Variants in OTUD6B observed in about 807,000 individuals in gnomAD.
The protein encoded by OTUD6B is OTU deubiquitinase 6B, also known as deubiquitinase OTUD6B.
A neutral mutation model predicts 36.9 loss-of-function variants in OTUD6B; 41 were observed. That is an observed-to-expected ratio of 1.11 (90% confidence interval 0.87 to 1.44). OTUD6B has a LOEUF of 1.44. OTUD6B is among the 40% of genes most tolerant of loss of function. OTUD6B has a pLI of 0.00. For synonymous variants in OTUD6B, 114 were observed against 114.2 expected (o/e 1.00, Z 0.01); for missense variants, 356 against 344.8 (o/e 1.03, Z -0.26).
intron 3 of OTUD6B, among the ~76,000 whole-genome samples, chr8:91,075,817 G>A (rs912198232): frequency 6.6e-6 from 1 of 152,074 alleles, no homozygotes; most frequent in Admixed American, 6.6e-5. Flanking sequence ...ACCAAGGAAT[G>A]CAAAGTCATT....
chr8:91,084,483 A>AT (rs1812969244), intron 6 of OTUD6B, among the ~76,000 whole-genome samples: 1 of 152,086 alleles, frequency 6.6e-6, no homozygotes, highest in African/African-American at 2.4e-5. Flanking sequence ...TGGCTTTAGT[A>AT]TTTTTTAGCT....
At chr8:91,081,222 T>C (rs1812901404) in intron 5 of OTUD6B, among the ~76,000 whole-genome samples, 1 of 151,718 alleles carries the variant, frequency 6.6e-6, no homozygotes, top group South Asian at 2.1e-4. Context: ...GAATTCCTAA[T>C]TGATAGTGAC....
At chr8:91,074,021 G>A in intron 3 of OTUD6B, 110 bp downstream of exon 3, 2 of 660,280 alleles carry the variant, frequency 3.0e-6, no homozygotes, top group South Asian at 2.3e-5. Context: ...AAATGATGCA[G>A]TTCCTTGTCT....
chr8:91,081,389 A>AACAG, intron 5 of OTUD6B, among the ~76,000 whole-genome samples: 1 of 150,906 alleles, frequency 6.6e-6, no homozygotes, highest in East Asian at 1.9e-4. Flanking sequence ...CAAACAAACA[A>AACAG]AAAAAACAGG....
At position 91,085,287 on chromosome 8, in the gene OTUD6B, T is replaced by A. The variant is rs2130448960; in HGVS notation, c.*419T>A. The A allele has an allele frequency of 6.5e-6, 1 of 152,778 alleles. No individual in the cohort carries two copies. Among genetic ancestry groups the A allele is most frequent in the Non-Finnish European group, 1.5e-5 (1 of 68,410 alleles). 9.5% of individuals were successfully genotyped at this position (152,778 alleles called of 1,614,324 possible). On this transcript the variant is annotated 3_prime_UTR_variant, in exon 7 of 7. Transcript: ENST00000404789. ...TTACCCAATATCTTTGTCATTGCAA[T>A]AATGTAGTATGGTGATGGTCAATTT... is the stretch of plus-strand genomic sequence containing the variant.
chr8:91,077,464 CAT>C (rs1812823506), intron 3 of OTUD6B, among the ~76,000 whole-genome samples: 1 of 151,906 alleles, frequency 6.6e-6, no homozygotes, highest in African/African-American at 2.4e-5. Context: ...AGCTATGAAA[CAT>C]ATAGTGCTTT....
At position 91,078,607 on chromosome 8, in the gene OTUD6B, C is replaced by G. The variant is rs775060893; in HGVS notation, c.567C>G (p.Ser189Arg). 1.1e-5 allele frequency: 18 copies of G among 1,601,216 alleles called. No homozygotes were observed. In the South Asian group the frequency reaches 2.0e-4, roughly 18 times the overall value. The change falls in exon 4 of 7, where the codon AGC (serine) becomes AGG (arginine). Residue 189 changes from serine to arginine, a missense_variant. Ser to Arg is a moderately radical substitution (Grantham distance 110). Transcript: ENST00000404789. ...LRSQTAEYMQ[S>R]HVEDFLPFLT... Reference sequence around the variant, plus strand: ...GTCAGACCGCTGAGTATATGCAAAGCCATGTGGAAGACTTTCTGCCATTTT... The same window carrying G: ...GTCAGACCGCTGAGTATATGCAAAGGCATGTGGAAGACTTTCTGCCATTTT...
intron 4 of OTUD6B, chr8:91,080,468 C>A (rs1812882135): frequency 1.5e-6 from 1 of 651,164 alleles, no homozygotes; most frequent in African/African-American, 2.0e-5. Context: ...CTGCTTTGTT[C>A]TTGGATGGAA....
intron 5 of OTUD6B, 114 bp downstream of exon 5, chr8:91,080,844 C>A: frequency 1.4e-6 from 1 of 736,228 alleles, no homozygotes. Context: ...GATTCCTTTT[C>A]TTTATATATT....
chr8:91,071,958 A>G (rs1193158204), intron 2 of OTUD6B, among the ~76,000 whole-genome samples: 1 of 152,234 alleles, frequency 6.6e-6, no homozygotes, highest in East Asian at 1.9e-4. Flanking sequence ...ATAATACGAT[A>G]CAAATATTTC....
chr8:91,086,907 C>T lies in OTUD6B; in HGVS notation c.*2039C>T, dbSNP rs1489534574. 1 of 151,946 alleles carries T rather than the reference C, an allele frequency of 6.6e-6. No individual in the cohort carries two copies. Among genetic ancestry groups the T allele is most frequent in the Non-Finnish European group, 1.5e-5 (1 of 67,928 alleles). 9.4% of individuals were successfully genotyped at this position (151,946 alleles called of 1,614,324 possible). A position where few individuals can be genotyped will look rare whatever the true frequency, so the allele number is the denominator to read the frequency against. On this transcript the variant is annotated 3_prime_UTR_variant, in exon 7 of 7. Coordinates refer to ENST00000404789, the MANE Select transcript of OTUD6B (RefSeq NM_016023.5). The stretch of plus-strand genomic sequence containing the variant: ...GGAAGTTACATATGCTTTCTTTTGT[C>T]CTAACTCTGAAAAGTATATGTCAGA...
chr8:91,079,793 G>A (rs1274248316), intron 4 of OTUD6B, among the ~76,000 whole-genome samples: 1 of 152,116 alleles, frequency 6.6e-6, no homozygotes, highest in East Asian at 1.9e-4. Flanking sequence ...AGTTCAGTAT[G>A]CTGAGTCAGA....
At chr8:91,083,891 C>G in intron 5 of OTUD6B, 117 bp from the exon 6 acceptor site, 1 of 1,259,246 alleles carries the variant, frequency 7.9e-7, no homozygotes, top group Non-Finnish European at 1.1e-6. Context: ...ATACCAGGCT[C>G]TCTGTGTACA....
rs1377422967 is a variant in OTUD6B at position 91,085,801 on chromosome 8, T to C, written c.*933T>C. 6.6e-6 allele frequency: 1 copy of C among 152,084 alleles called. No homozygotes were observed. Among genetic ancestry groups the C allele is most frequent in the East Asian group, 1.9e-4 (1 of 5,196 alleles). 9.4% of individuals were successfully genotyped at this position (152,084 alleles called of 1,614,324 possible). On this transcript the variant is annotated 3_prime_UTR_variant, in exon 7 of 7. Transcript: ENST00000404789. ...GCAGTGTAAAAGGTCCAAGACCACATTTACTTGAAATTCTTCCTCTTTTCT... is the reference window on the plus strand; with the variant it reads ...GCAGTGTAAAAGGTCCAAGACCACACTTACTTGAAATTCTTCCTCTTTTCT...
At position 91,084,046 on chromosome 8, in the gene OTUD6B, G is replaced by A. The variant is rs776540442; in HGVS notation, c.729G>A (p.Glu243=). 20 of 1,580,554 alleles carry A rather than the reference G, an allele frequency of 1.3e-5. No homozygotes were observed. Among genetic ancestry groups the A allele is most frequent in the Non-Finnish European group, 1.7e-5 (20 of 1,161,884 alleles). Residue 243 remains glutamate (E), a synonymous_variant, in exon 6 of 7, where the codon GAG becomes GAA. Coordinates refer to ENST00000404789, the MANE Select transcript of OTUD6B (RefSeq NM_016023.5). ...ALSHILQTPI[E]IIQADSPPII... The stretch of plus-strand genomic sequence containing the variant: ...CTCACATTTTACAAACACCAATAGA[G>A]ATAATACAGGCAGATTCTCCTCCCA...
chr8:91,073,181 A>G (rs1812730819), intron 2 of OTUD6B, among the ~76,000 whole-genome samples: 1 of 152,114 alleles, frequency 6.6e-6, no homozygotes, highest in South Asian at 2.1e-4. Flanking sequence ...TATACTAAAA[A>G]CTGGCTTACC....
chr8:91,080,545 G>T (rs1236370431), intron 4 of OTUD6B, 124 bp from the exon 5 acceptor site: 1 of 1,456,048 alleles, frequency 6.9e-7, no homozygotes, highest in African/African-American at 1.5e-5. Flanking sequence ...GGAGGATAAT[G>T]GTAGAGAAGG....
At position 91,086,365 on chromosome 8, in the gene OTUD6B, A is replaced by G. The variant is rs1813015020; in HGVS notation, c.*1497A>G. 6.6e-6 allele frequency: 1 copy of G among 152,228 alleles called. No individual in the cohort carries two copies. Among genetic ancestry groups the G allele is most frequent in the Non-Finnish European group, 1.5e-5 (1 of 67,980 alleles). The allele number at this position is 152,228 out of a possible 1,614,324, so 9.4% of individuals were successfully genotyped here. On this transcript the variant is annotated 3_prime_UTR_variant, in exon 7 of 7. Coordinates refer to ENST00000404789, the MANE Select transcript of OTUD6B (RefSeq NM_016023.5). ...GTACTTCCTGAAGGCTTTCCAGTTC[A>G]AAAGATTACAAGCCATTCTGCCTGC...
At position 91,086,910 on chromosome 8, in the gene OTUD6B, A is replaced by G. The variant is rs1163316511; in HGVS notation, c.*2042A>G. ...AGTTACATATGCTTTCTTTTGTCCT[A>G]ACTCTGAAAAGTATATGTCAGAGTT... On this transcript the variant is annotated 3_prime_UTR_variant, in exon 7 of 7. Transcript: ENST00000404789. 2.0e-5 allele frequency: 3 copies of G among 152,100 alleles called. No individual in the cohort carries two copies. 9.4% of individuals were successfully genotyped at this position (152,100 alleles called of 1,614,324 possible).
Sources: gnomAD v4.1 joint callset for allele counts (sites outside exome capture counted in the v4.1 genomes callset) on GRCh38, gnomAD v4.1.1 for gene constraint, MANE v1.5 for transcripts, NCBI Gene and HGNC (gene_info 2026-07-23, HGNC 2026-07-21) for gene names.